Variants in NATD1 observed in about 807,000 individuals in gnomAD.
The protein encoded by NATD1 is protein NATD1.
Under a neutral mutation model 12.0 loss-of-function variants are expected in NATD1, and 9 were observed. The observed-to-expected ratio is 0.75, with a 90% CI of 0.45 to 1.30. The LOEUF (loss-of-function observed/expected upper bound fraction) is 1.30, where lower values mean the gene tolerates loss of function less well. Among genes scored for constraint, NATD1 ranks in the 50% most tolerant of loss-of-function variants. The pLI is 0.00. For synonymous variants in NATD1, 71 were observed against 65.9 expected (o/e 1.08, Z -0.37); for missense variants, 148 against 148.5 (o/e 1.00, Z 0.02).
At chr17:21,251,593 C>T (rs894122962) in intron 1 of NATD1, among the ~76,000 whole-genome samples, 3 of 152,198 alleles carry the variant, frequency 2.0e-5, no homozygotes, top group African/African-American at 4.8e-5. Flanking sequence ...GCCTCAGTTT[C>T]CTCATCTGTA....
chr17:21,247,274 C>T (rs563195139), intron 1 of NATD1, among the ~76,000 whole-genome samples: 2 of 152,380 alleles, frequency 1.3e-5, no homozygotes, highest in South Asian at 4.1e-4. Context: ...CAACTGCTTT[C>T]TGTCTTTGCC....
Position 21,241,601 on chromosome 17 carries a change from G to A in NATD1, c.*1712C>T, listed in dbSNP as rs1975273887. 6.6e-6 allele frequency: 1 copy of A among 152,630 alleles called. No individual in the cohort carries two copies. Among genetic ancestry groups the A allele is most frequent in the South Asian group, 2.1e-4 (1 of 4,838 alleles). The allele number at this position is 152,630 out of a possible 1,614,324, so 9.5% of individuals were successfully genotyped here. A position where few individuals can be genotyped will look rare whatever the true frequency, so the allele number is the denominator to read the frequency against. ...CCTCTCACACAAGCCCTTTGCAAAA[G>A]AGCTGACTTCCTGGAGGCCAGGGCA... On this transcript the variant is annotated 3_prime_UTR_variant, in exon 3 of 3. Coordinates refer to ENST00000611551, the MANE Select transcript of NATD1 (RefSeq NM_152914.3).
intron 2 of NATD1, 57 bp from the exon 3 acceptor site, chr17:21,243,486 G>T: frequency 1.4e-6 from 2 of 1,401,088 alleles, no homozygotes; most frequent in Non-Finnish European, 2.0e-6. Context: ...CCAGAAGGTA[G>T]CATTGTCTGC....
chr17:21,247,938 G>A (rs1483335892), intron 1 of NATD1, among the ~76,000 whole-genome samples: 1 of 152,172 alleles, frequency 6.6e-6, no homozygotes, highest in Non-Finnish European at 1.5e-5. Flanking sequence ...GTGACGTTTG[G>A]GCTCACCTGG....
chr17:21,244,214 G>C lies in NATD1; in HGVS notation c.117C>G (p.Asp39Glu), dbSNP rs1975305938. The part of the protein sequence containing the change: ...QFTVRLNGCH[D>E]RAVLLYEYVG... ...CGTACTCATAGAGCAGGACGGCCCG[G>C]TCATGACATCCTGGGGGTTGTGGAG... Residue 39 changes from aspartate (D) to glutamate (E), a missense_variant, in exon 2 of 3, where the codon GAC becomes GAG. Coordinates refer to ENST00000611551, the MANE Select transcript of NATD1 (RefSeq NM_152914.3). The surrounding 1 kb of genome is among the most constrained non-coding windows in gnomAD (Gnocchi z 5.2). 1 of 1,611,630 alleles carries C rather than the reference G, an allele frequency of 6.2e-7. No homozygotes were observed. The highest frequency in any genetic ancestry group is 8.5e-7 in the Non-Finnish European group (1 of 1,178,988).
Position 21,244,656 on chromosome 17 carries a change from T to C in NATD1, c.107-432A>G, listed in dbSNP as rs1454556602. 6.6e-6 allele frequency among the ~76,000 whole-genome samples: 1 copy of C among 152,120 alleles called. No homozygotes were observed. Among genetic ancestry groups the C allele is most frequent in the Non-Finnish European group, 1.5e-5 (1 of 68,022 alleles). ...CAACTAAGGCAGAGCATGAAGAGATTAGAGAGGCAGCGCTGCGCCACGCAT... is the reference window on the plus strand; with the variant it reads ...CAACTAAGGCAGAGCATGAAGAGATCAGAGAGGCAGCGCTGCGCCACGCAT... On this transcript the variant is annotated intron_variant, in intron 1 of 2. Transcript: ENST00000611551. The surrounding 1 kb of genome is among the most constrained non-coding windows in gnomAD (Gnocchi z 5.2).
chr17:21,243,241 G>GA lies in NATD1; in HGVS notation c.*71dup. The GA allele has an allele frequency of 8.1e-7, 1 of 1,230,024 alleles. No homozygotes were observed. Among genetic ancestry groups the GA allele is most frequent in the Non-Finnish European group, 1.2e-6 (1 of 862,208 alleles). The allele number at this position is 1,230,024 out of a possible 1,614,324, so 76.2% of individuals were successfully genotyped here. A position where few individuals can be genotyped will look rare whatever the true frequency, so the allele number is the denominator to read the frequency against. On this transcript the variant is annotated 3_prime_UTR_variant, in exon 3 of 3. Coordinates refer to ENST00000611551, the MANE Select transcript of NATD1 (RefSeq NM_152914.3). ...CTGTTCCCAGTGGGACCAGGTTCCT[G>GA]AGAGCACGTGGGGCCAGGCAAAGGC...
In NATD1 at chr17:21,243,363, A is replaced by G. The variant is rs757380874; in HGVS notation, c.292T>C (p.Tyr98His). ...TGCGGCAGGGGGTTCTCCTTGACGT[A>G]CTTCTGGATGTACCAGCAGGTGAGA... Reference protein sequence around the residue: ...AHLTCWYIQKYVKENPLPQYL... With the variant: ...AHLTCWYIQKHVKENPLPQYL... The change falls in exon 3 of 3, where the codon TAC becomes CAC. Residue 98 changes from tyrosine to histidine, a missense_variant. Transcript: ENST00000611551. 2 of 1,613,480 alleles carry G rather than the reference A, an allele frequency of 1.2e-6. No homozygotes were observed. The highest frequency in any genetic ancestry group is 2.2e-5 in the South Asian group (2 of 91,086).
chr17:21,246,468 C>G (rs551244505), intron 1 of NATD1, among the ~76,000 whole-genome samples: 1 of 149,480 alleles, frequency 6.7e-6, no homozygotes, highest in Non-Finnish European at 1.5e-5. Context: ...GAGCTGAGAC[C>G]GCATCATTGC....
rs149280446 is a variant in NATD1 at position 21,244,678 on chromosome 17, G to A, written c.107-454C>T. The stretch of plus-strand genomic sequence containing the variant: ...GATTAGAGAGGCAGCGCTGCGCCAC[G>A]CATCAGGACCACCTGCTGGACCCTG... On this transcript the variant is annotated intron_variant, in intron 1 of 2. Coordinates refer to ENST00000611551, the MANE Select transcript of NATD1 (RefSeq NM_152914.3). This position sits in a 1 kb window ranked among gnomAD's most constrained non-coding sequence, Gnocchi z 5.2. Among the ~76,000 whole-genome samples, 530 of 152,272 alleles carry A rather than the reference G, an allele frequency of 3.5e-3. 2 individuals are homozygous for A. The highest frequency in any genetic ancestry group is 0.01 in the Middle Eastern group (3 of 294).
Position 21,240,376 on chromosome 17 carries a change from C to G in NATD1, c.*2937G>C, listed in dbSNP as rs1466076572. The G allele has an allele frequency of 6.6e-6, 1 of 152,124 alleles. No homozygotes were observed. Among genetic ancestry groups the G allele is most frequent in the African/African-American group, 2.4e-5 (1 of 41,292 alleles). The allele number at this position is 152,124 out of a possible 1,614,324, so 9.4% of individuals were successfully genotyped here. A position where few individuals can be genotyped will look rare whatever the true frequency, so the allele number is the denominator to read the frequency against. ...ACACCAGGGAGGGAAGCCCGCCTCC[C>G]CCTCCCCACCTCGACCTCCACACCA... On this transcript the variant is annotated 3_prime_UTR_variant, in exon 3 of 3. Transcript: ENST00000611551.
chr17:21,244,261 C>T lies in NATD1; in HGVS notation c.107-37G>A. The T allele has an allele frequency of 1.3e-6, 2 of 1,565,042 alleles. No homozygotes were observed. The highest frequency in any genetic ancestry group is 1.2e-5 in the South Asian group (1 of 86,936). ...GGAGACAGGTAAGCCTATGCTGACT[C>T]CCATCCCAGCGGACTCAGGCACCAA... On this transcript the variant is annotated intron_variant, in intron 1 of 2. Coordinates refer to ENST00000611551, the MANE Select transcript of NATD1 (RefSeq NM_152914.3). This position sits in a 1 kb window ranked among gnomAD's most constrained non-coding sequence, Gnocchi z 5.2.
rs910954126 is a variant in NATD1 at position 21,239,336 on chromosome 17, C to T, written c.*3977G>A. ...AGCAGACATAAGACCTCATATCACA[C>T]AAGCTTGATGCCACCAAGAGGACGG... is the stretch of plus-strand genomic sequence containing the variant. On this transcript the variant is annotated 3_prime_UTR_variant, in exon 3 of 3. Coordinates refer to ENST00000611551, the MANE Select transcript of NATD1 (RefSeq NM_152914.3). The T allele has an allele frequency of 9.9e-5, 15 of 152,256 alleles. No homozygotes were observed. The highest frequency in any genetic ancestry group is 3.6e-4 in the African/African-American group (15 of 41,442). The allele number at this position is 152,256 out of a possible 1,614,324, so 9.4% of individuals were successfully genotyped here.
chr17:21,242,141 A>G lies in NATD1; in HGVS notation c.*1172T>C, dbSNP rs1388999568. ...CCAGCTCTACAGAAGGGCAGGGACG[A>G]ATCTGATCCTTGTTAGCACTGACAC... is the stretch of plus-strand genomic sequence containing the variant. On this transcript the variant is annotated 3_prime_UTR_variant, in exon 3 of 3. Coordinates refer to ENST00000611551, the MANE Select transcript of NATD1 (RefSeq NM_152914.3). 1 of 152,320 alleles carries G rather than the reference A, an allele frequency of 6.6e-6. No homozygotes were observed. The highest frequency in any genetic ancestry group is 1.5e-5 in the Non-Finnish European group (1 of 68,120). The allele number at this position is 152,320 out of a possible 1,614,324, so 9.4% of individuals were successfully genotyped here. A position where few individuals can be genotyped will look rare whatever the true frequency, so the allele number is the denominator to read the frequency against.
At chr17:21,252,546 AG>A (rs1222181569) in intron 1 of NATD1, among the ~76,000 whole-genome samples, 2 of 152,198 alleles carry the variant, frequency 1.3e-5, no homozygotes, top group African/African-American at 4.8e-5. Flanking sequence ...GGCCAGTCCC[AG>A]AGCCACTGAA....
At chr17:21,250,343 C>A (rs950211310) in intron 1 of NATD1, among the ~76,000 whole-genome samples, 5 of 152,208 alleles carry the variant, frequency 3.3e-5, no homozygotes, top group Non-Finnish European at 7.4e-5. Context: ...ATGCCACCCT[C>A]CAGGGAGGGG....
intron 1 of NATD1, among the ~76,000 whole-genome samples, chr17:21,247,465 C>T (rs1349961668): frequency 6.6e-6 from 1 of 152,226 alleles, no homozygotes; most frequent in Non-Finnish European, 1.5e-5. Flanking sequence ...GCTCTCTCCA[C>T]ACAACGATCC....
intron 1 of NATD1, among the ~76,000 whole-genome samples, chr17:21,252,409 C>A (rs1333361482): frequency 6.6e-6 from 1 of 152,232 alleles, no homozygotes; most frequent in African/African-American, 2.4e-5. Flanking sequence ...ACTAATCCCC[C>A]ATGAGCTGGT....
intron 1 of NATD1, among the ~76,000 whole-genome samples, chr17:21,250,206 C>T (rs1975362454): frequency 6.6e-6 from 1 of 152,256 alleles, no homozygotes; most frequent in African/African-American, 2.4e-5. Context: ...CCCATGACCT[C>T]TTGACCCATC....
Sources: allele counts gnomAD v4.1 joint callset (sites outside exome capture counted in the v4.1 genomes callset), GRCh38; gene constraint gnomAD v4.1.1; non-coding constraint Gnocchi (gnomAD v3.1); transcripts MANE v1.5; gene names NCBI Gene and HGNC (gene_info 2026-07-23, HGNC 2026-07-21).